MBNL3: variants seen among roughly 807,000 people sequenced by gnomAD.
The protein encoded by MBNL3 is muscleblind like splicing regulator 3, also known as muscleblind-like protein 3.
In MBNL3, 6 loss-of-function variants were observed where a neutral mutation model predicts 24.5. The observed-to-expected ratio is 0.25, with a 90% CI of 0.13 to 0.48. The LOEUF (loss-of-function observed/expected upper bound fraction) is 0.48. Among genes scored for constraint, MBNL3 ranks in the 20% least tolerant of loss-of-function variants. MBNL3 has a pLI of 0.99. For missense variants in MBNL3, 230 were observed against 293.5 expected (o/e 0.78, Z 1.58); for synonymous variants, 100 against 101.7 (o/e 0.98, Z 0.10).
At chrX:132,433,337 C>T (rs923634971) in intron 2 of MBNL3, among the ~76,000 whole-genome samples, 2 of 112,080 alleles carry the variant, frequency 1.8e-5, no homozygotes, top group African/African-American at 6.5e-5. Flanking sequence ...ACACAATAAC[C>T]AATCAGTGAC....
chrX:132,373,762 A>G lies in MBNL3; in HGVS notation c.*5904T>C, dbSNP rs1933852535. The G allele has an allele frequency of 9.0e-6, 1 of 111,626 alleles. No individual in the cohort carries two copies. The highest frequency in any genetic ancestry group is 3.3e-5 in the African/African-American group (1 of 30,750). The allele number at this position is 111,626 out of a possible 1,213,427, so 9.2% of individuals were successfully genotyped here. On this transcript the variant is annotated 3_prime_UTR_variant, in exon 9 of 9. Coordinates refer to ENST00000370853, the MANE Select transcript of MBNL3 (RefSeq NM_001386889.1). ...GTGGCGTGGGAGCTAAAATTGGCAG[A>G]GATGGTCAGATTGAAACATTGTCTT...
intron 1 of MBNL3, among the ~76,000 whole-genome samples, chrX:132,472,871 T>G (rs1311486904): frequency 8.9e-6 from 1 of 112,051 alleles, no homozygotes; most frequent in African/African-American, 3.2e-5. Context: ...CAAATTGAAT[T>G]TCTTAACTGA....
chrX:132,399,032 C>T (rs1358267287), intron 3 of MBNL3, among the ~76,000 whole-genome samples: 1 of 111,409 alleles, frequency 9.0e-6, no homozygotes. Flanking sequence ...TTTATCCACC[C>T]TTTACTCATT....
At chrX:132,410,616 G>A (rs1010885446) in intron 2 of MBNL3, among the ~76,000 whole-genome samples, 1 of 112,574 alleles carries the variant, frequency 8.9e-6, no homozygotes, top group Admixed American at 9.4e-5. Flanking sequence ...AGGCACCCAA[G>A]AGATGATTTG....
intron 2 of MBNL3, chrX:132,430,905 C>G (rs908744312): frequency 9.0e-6 from 1 of 111,402 alleles, no homozygotes; most frequent in African/African-American, 3.3e-5. Flanking sequence ...GCTGGGACTA[C>G]AGGCATGCAC....
chrX:132,389,478 T>C (rs1936738484), intron 5 of MBNL3, among the ~76,000 whole-genome samples: 1 of 111,870 alleles, frequency 8.9e-6, no homozygotes, highest in Non-Finnish European at 1.9e-5. Context: ...AGGAAAACCT[T>C]CTTAATAGGG....
At chrX:132,394,486 A>G (rs1382309772) in intron 3 of MBNL3, among the ~76,000 whole-genome samples, 5 of 112,094 alleles carry the variant, frequency 4.5e-5, no homozygotes, top group African/African-American at 1.6e-4. Flanking sequence ...AGTGCTCTTC[A>G]CTTGACTTTT....
At chrX:132,448,627 G>T (rs1945871578) in intron 1 of MBNL3, among the ~76,000 whole-genome samples, 2 of 111,045 alleles carry the variant, frequency 1.8e-5, no homozygotes, top group African/African-American at 6.6e-5. Context: ...GGTTTTTCGT[G>T]TCTCTAGCTC....
chrX:132,469,193 T>C (rs1434097927), intron 1 of MBNL3, among the ~76,000 whole-genome samples: 1 of 112,336 alleles, frequency 8.9e-6, no homozygotes, highest in Non-Finnish European at 1.9e-5. Flanking sequence ...AGCATCCCCA[T>C]CAAACATGTC....
intron 2 of MBNL3, among the ~76,000 whole-genome samples, chrX:132,419,082 A>G (rs754380537): frequency 8.8e-6 from 1 of 112,999 alleles, no homozygotes. Context: ...GCCCTAGGTA[A>G]CCAAATGTTA....
intron 2 of MBNL3, among the ~76,000 whole-genome samples, chrX:132,423,082 A>C (rs533933168): frequency 8.9e-6 from 1 of 111,796 alleles, no homozygotes; most frequent in Admixed American, 9.5e-5. Flanking sequence ...TTAATTCTAC[A>C]TCTCTGACAT....
intron 2 of MBNL3, among the ~76,000 whole-genome samples, chrX:132,434,754 G>T (rs1945020500): frequency 1.8e-5 from 2 of 111,861 alleles, no homozygotes; most frequent in Non-Finnish European, 3.8e-5. Flanking sequence ...AGGAAAGACT[G>T]GGAAAGTGTC....
chrX:132,378,487 CAA>C lies in MBNL3; in HGVS notation c.*1177_*1178del, dbSNP rs778886529. 2 of 111,685 alleles carry C rather than the reference CAA, an allele frequency of 1.8e-5. No individual in the cohort carries two copies. Among genetic ancestry groups the C allele is most frequent in the Non-Finnish European group, 3.8e-5 (2 of 53,038 alleles). The allele number at this position is 111,685 out of a possible 1,213,427, so 9.2% of individuals were successfully genotyped here. ...GCTAGATTGCATCTTACTTGTTATTCAAAGAGTAGTCTAAAGAGCATGAGCCA... is the reference window on the plus strand; with the variant it reads ...GCTAGATTGCATCTTACTTGTTATTCAGAGTAGTCTAAAGAGCATGAGCCA... On this transcript the variant is annotated 3_prime_UTR_variant, in exon 9 of 9. Transcript: ENST00000370853.
At chrX:132,477,709 A>G (rs1947513350) in intron 1 of MBNL3, among the ~76,000 whole-genome samples, 1 of 111,838 alleles carries the variant, frequency 8.9e-6, no homozygotes, top group South Asian at 3.7e-4. Flanking sequence ...GGTTGCATTC[A>G]GTAGTTAATC....
intron 1 of MBNL3, among the ~76,000 whole-genome samples, chrX:132,480,377 T>G (rs559749718): frequency 3.2e-4 from 36 of 112,012 alleles, no homozygotes; most frequent in African/African-American, 1.1e-3. Flanking sequence ...TTCAACCAAT[T>G]AGGAAACTCA....
intron 2 of MBNL3, among the ~76,000 whole-genome samples, chrX:132,410,150 C>G (rs1410162992): frequency 3.6e-5 from 4 of 111,900 alleles, no homozygotes; most frequent in African/African-American, 1.3e-4. Flanking sequence ...TATAAAGCCT[C>G]CCAAATTCAA....
At chrX:132,446,191 A>T (rs188243124) in intron 1 of MBNL3, among the ~76,000 whole-genome samples, 33 of 111,894 alleles carry the variant, frequency 2.9e-4, no homozygotes, top group African/African-American at 1.0e-3. Context: ...TATCCAATCT[A>T]TCATTGATGA....
rs1486655023 is a variant in MBNL3 at position 132,373,868 on chromosome X, A to G, written c.*5798T>C. On this transcript the variant is annotated 3_prime_UTR_variant, in exon 9 of 9. Transcript: ENST00000370853. ...AAACAGTGGGAGGCTGAAGTGGCAC[A>G]GTTAACTACTTTGTAATCTGGTAAA... 1 of 111,851 alleles carries G rather than the reference A, an allele frequency of 8.9e-6. No individual in the cohort carries two copies. The highest frequency in any genetic ancestry group is 1.9e-5 in the Non-Finnish European group (1 of 53,047). The allele number at this position is 111,851 out of a possible 1,213,427, so 9.2% of individuals were successfully genotyped here. A position where few individuals can be genotyped will look rare whatever the true frequency, so the allele number is the denominator to read the frequency against.
chrX:132,469,101 A>G (rs1475176044), intron 1 of MBNL3, among the ~76,000 whole-genome samples: 1 of 112,402 alleles, frequency 8.9e-6, no homozygotes, highest in Non-Finnish European at 1.9e-5. Flanking sequence ...GTTCAAATAT[A>G]GAGAAGAATA....
Sources: gnomAD v4.1 joint callset for allele counts (sites outside exome capture counted in the v4.1 genomes callset) on GRCh38, gnomAD v4.1.1 for gene constraint, MANE v1.5 for transcripts, NCBI Gene and HGNC (gene_info 2026-07-23, HGNC 2026-07-21) for gene names.